KIAA0232: variants seen among roughly 807,000 people sequenced by gnomAD.
The protein encoded by KIAA0232 is uncharacterized protein KIAA0232.
Under a neutral mutation model 122.0 loss-of-function variants are expected in KIAA0232, and 27 were observed. That is an observed-to-expected ratio of 0.22 (90% CI 0.16 to 0.31). The LOEUF is 0.31. Among genes scored for constraint, KIAA0232 ranks in the 10% least tolerant of loss-of-function variants. The probability of loss-of-function intolerance (pLI) is 1.00; values close to 1 mark genes in which losing one functional copy is unlikely to be tolerated. For missense variants in KIAA0232, 1,551 were observed against 1,634.2 expected, an observed-to-expected ratio of 0.95 and a Z score of 0.88; for synonymous variants, 613 against 587.6, an observed-to-expected ratio of 1.04 and a Z score of -0.63.
intron 1 of KIAA0232, among the ~76,000 whole-genome samples, chr4:6,799,768 C>G (rs1429767223): frequency 6.6e-6 from 1 of 152,116 alleles, no homozygotes; most frequent in East Asian, 1.9e-4. Flanking sequence ...AATCTCGACT[C>G]ACTGCAACCT....
chr4:6,792,128 C>T (rs763817106), intron 1 of KIAA0232, among the ~76,000 whole-genome samples: 2 of 152,190 alleles, frequency 1.3e-5, no homozygotes, highest in African/African-American at 4.8e-5. Context: ...TTCTAAATTA[C>T]CCAGTCTTGG....
intron 1 of KIAA0232, among the ~76,000 whole-genome samples, chr4:6,797,981 C>T (rs1331933414): frequency 6.6e-6 from 1 of 151,386 alleles, no homozygotes; most frequent in Non-Finnish European, 1.5e-5. Context: ...TGGCATGAAC[C>T]CGAGAGGTGG....
intron 2 of KIAA0232, among the ~76,000 whole-genome samples, chr4:6,813,156 A>G (rs913483352): frequency 6.6e-6 from 1 of 152,202 alleles, no homozygotes; most frequent in Non-Finnish European, 1.5e-5. Flanking sequence ...GAATATAAAA[A>G]GATAGCACCA....
intron 1 of KIAA0232, among the ~76,000 whole-genome samples, chr4:6,802,157 T>C (rs753844090): frequency 1.2e-4 from 19 of 152,218 alleles, no homozygotes; most frequent in Non-Finnish European, 2.4e-4. Flanking sequence ...AATGGAGAAG[T>C]TGAACTACCT....
At chr4:6,870,532 G>C (rs1005289499) in intron 7 of KIAA0232, among the ~76,000 whole-genome samples, 1 of 152,252 alleles carries the variant, frequency 6.6e-6, no homozygotes, top group South Asian at 2.1e-4. Context: ...GCCAGGCATG[G>C]TGGCTCACGC....
At chr4:6,833,915 G>A (rs920755565) in intron 3 of KIAA0232, among the ~76,000 whole-genome samples, 15 of 152,080 alleles carry the variant, frequency 9.9e-5, no homozygotes, top group African/African-American at 3.6e-4. Flanking sequence ...GCAGTCTCCT[G>A]TTCTCTCTTT....
intron 6 of KIAA0232, 96 bp from the exon 7 acceptor site, chr4:6,860,805 A>C: frequency 9.4e-7 from 1 of 1,066,918 alleles, no homozygotes; most frequent in Non-Finnish European, 1.4e-6. Flanking sequence ...GACACTACTA[A>C]AATGAAATAT....
chr4:6,813,783 C>G lies in KIAA0232; in HGVS notation c.-270+9177C>G, dbSNP rs896971366. Among the ~76,000 whole-genome samples, 10 of 152,126 alleles carry G rather than the reference C, an allele frequency of 6.6e-5. 1 individual carries two copies. In the East Asian group the frequency reaches 1.9e-3, roughly 29 times the overall value. ...TTCATTTAAAAATTTAGTTAAGTCC[C>G]TGGGCTGGTTATAAACTCTCATGCC... On this transcript the variant is annotated intron_variant, in intron 2 of 9. Transcript: ENST00000307659.
rs1254054084 is a variant in KIAA0232, at chr4:6,797,674, T to C, written c.-353-6849T>C. 2.0e-5 allele frequency among the ~76,000 whole-genome samples: 3 copies of C among 147,344 alleles called. No individual in the cohort carries two copies. In the Admixed American group the frequency reaches 2.0e-4, roughly 10 times the overall value. ...CCAGTTACCTGGGAGGCTGAGGTGG[T>C]AGGATTGCTTGAGCCCAGGAATTCC... is the stretch of plus-strand genomic sequence containing the variant. On this transcript the variant is annotated intron_variant, in intron 1 of 9. Transcript: ENST00000307659.
intron 3 of KIAA0232, among the ~76,000 whole-genome samples, chr4:6,825,669 A>G (rs967380170): frequency 6.6e-6 from 1 of 152,192 alleles, no homozygotes; most frequent in African/African-American, 2.4e-5. Flanking sequence ...AAGAGGAGCT[A>G]CTGAAAGTGA....
chr4:6,826,458 C>T (rs978662291), intron 3 of KIAA0232, among the ~76,000 whole-genome samples: 3 of 149,986 alleles, frequency 2.0e-5, no homozygotes, highest in African/African-American at 7.4e-5. Context: ...TCTCATCATT[C>T]AAAAATTATG....
At chr4:6,825,565 G>A (rs1204749886) in intron 3 of KIAA0232, among the ~76,000 whole-genome samples, 1 of 150,932 alleles carries the variant, frequency 6.6e-6, no homozygotes, top group South Asian at 2.1e-4. Flanking sequence ...TCTCTCGCAC[G>A]CATACACGAG....
rs369418898 is a variant in KIAA0232 at position 6,864,167 on chromosome 4, C to T, written c.3785C>T (p.Ser1262Leu). 13 of 1,611,466 alleles carry T rather than the reference C, an allele frequency of 8.1e-6. No individual in the cohort carries two copies. Among genetic ancestry groups the T allele is most frequent in the African/African-American group, 2.7e-5 (2 of 74,798 alleles). The change falls in exon 7 of 10, where the codon TCG becomes TTG. Residue 1262 changes from serine (S) to leucine (L), a missense_variant. Ser to Leu is a moderately radical substitution (Grantham distance 145, BLOSUM62 -2). Coordinates refer to ENST00000307659, the MANE Select transcript of KIAA0232 (RefSeq NM_014743.3). ...GCTTATGAAGATAATCCAGTTTCTT[C>T]GGGACAGCTGGAAGAGGTATGTGTC... The part of the protein sequence containing the change: ...FPAYEDNPVS[S>L]GQLEEFPVLN...
rs1024234035 is a variant in KIAA0232, at chr4:6,808,310, T to C, written c.-270+3704T>C. ...CCTTCCCCCTCAAGTCTTTTCCTTA[T>C]GTGAAAGTCCTGTAAACACCCAAAT... On this transcript the variant is annotated intron_variant, in intron 2 of 9. Transcript: ENST00000307659. Among the ~76,000 whole-genome samples, 8 of 151,636 alleles carry C rather than the reference T, an allele frequency of 5.3e-5. No homozygotes were observed. The East Asian group carries it at 9.7e-4, about 18-fold the overall frequency.
At chr4:6,873,071 G>A (rs538647987) in intron 8 of KIAA0232, among the ~76,000 whole-genome samples, 33 of 152,288 alleles carry the variant, frequency 2.2e-4, no homozygotes, top group Non-Finnish European at 4.0e-4. Context: ...TGCTGCTGCC[G>A]CCCTACCATT....
chr4:6,789,656 T>A (rs565424074), intron 1 of KIAA0232, among the ~76,000 whole-genome samples: 6 of 152,312 alleles, frequency 3.9e-5, no homozygotes, highest in African/African-American at 1.4e-4. Flanking sequence ...AACAGATTCA[T>A]GATGGTGGTC....
At chr4:6,801,580 A>C (rs184718679) in intron 1 of KIAA0232, among the ~76,000 whole-genome samples, 210 of 152,020 alleles carry the variant, frequency 1.4e-3, no homozygotes, top group Non-Finnish European at 2.2e-3. Flanking sequence ...GCTACTCTGG[A>C]GGCTGAGGTG....
At position 6,860,962 on chromosome 4, in the gene KIAA0232, G is replaced by A; in HGVS notation, c.580G>A (p.Val194Met). 1 of 1,614,116 alleles carries A rather than the reference G, an allele frequency of 6.2e-7. No individual in the cohort carries two copies. The highest frequency in any genetic ancestry group is 8.5e-7 in the Non-Finnish European group (1 of 1,179,998). The change falls in exon 7 of 10, where the codon GTG becomes ATG. Residue 194 changes from valine (V) to methionine (M), a missense_variant. Around this residue, in one of 5 missense-constraint regions of KIAA0232, gnomAD observed 377 missense variants for 381.7 expected, o/e 0.99. Transcript: ENST00000307659. ...AGTTTGCCTGCAAGAAATCATGACT[G>A]TGTGGAACAAGTCTAAAGTCTGTTC... ...KPVCLQEIMT[V>M]WNKSKVCSYS...
intron 7 of KIAA0232, among the ~76,000 whole-genome samples, chr4:6,865,546 C>G (rs1464837150): frequency 6.6e-6 from 1 of 152,246 alleles, no homozygotes; most frequent in Non-Finnish European, 1.5e-5. Context: ...AGTGATCCAC[C>G]TGCCTTGGCC....
Sources: allele counts gnomAD v4.1 joint callset (sites outside exome capture counted in the v4.1 genomes callset), GRCh38; gene constraint gnomAD v4.1.1; regional missense constraint gnomAD v4.1.1; transcripts MANE v1.5; gene names NCBI Gene and HGNC (gene_info 2026-07-23, HGNC 2026-07-21).